The following CCDC33 variants were observed in gnomAD, a reference collection of about 807,000 sequenced individuals.
CCDC33 encodes coiled-coil domain-containing protein 33.
A neutral mutation model predicts 91.9 loss-of-function variants in CCDC33; 94 were observed. That is an observed-to-expected ratio of 1.02 (90% confidence interval 0.87 to 1.21). The LOEUF (loss-of-function observed/expected upper bound fraction) is 1.21, where lower values mean the gene tolerates loss of function less well. CCDC33 is among the 50% of genes most tolerant of loss of function. The pLI is 0.00. For missense variants in CCDC33, 940 were observed against 935.5 expected (o/e 1.00, Z -0.06); for synonymous variants, 396 against 374.5 (o/e 1.06, Z -0.66).
At chr15:74,241,221 C>T (rs1482202494) in intron 1 of CCDC33, among the ~76,000 whole-genome samples, 2 of 151,888 alleles carry the variant, frequency 1.3e-5, no homozygotes, top group African/African-American at 4.8e-5. Flanking sequence ...CCTCCTCAGT[C>T]AGAGGAAGGA....
chr15:74,315,697 C>T (rs534635941), intron 11 of CCDC33, among the ~76,000 whole-genome samples: 25 of 152,264 alleles, frequency 1.6e-4, no homozygotes, highest in African/African-American at 5.3e-4. Context: ...TGGGGGAAGG[C>T]GACTCTGTCC....
At chr15:74,256,495 T>C (rs2075869504) in intron 2 of CCDC33, among the ~76,000 whole-genome samples, 1 of 152,120 alleles carries the variant, frequency 6.6e-6, no homozygotes, top group Non-Finnish European at 1.5e-5. Flanking sequence ...CAAGTCCTGC[T>C]GGGTTGCTCA....
chr15:74,268,547 C>A, intron 5 of CCDC33, 89 bp downstream of exon 5: 1 of 961,746 alleles, frequency 1.0e-6, no homozygotes, highest in Non-Finnish European at 1.7e-6. Flanking sequence ...TTAGCCCCCT[C>A]TGGCTGACCT....
At position 74,335,047 on chromosome 15, in the gene CCDC33, G is replaced by C. The variant is rs755898743; in HGVS notation, c.2098G>C (p.Gly700Arg). ...LATRLQEQEK[G>R]FRHPSNSIII... ...CACACGGCTGCAGGAGCAAGAAAAA[G>C]GTTTCAGGCACCCCTCGAACTCCAT... The change falls in exon 18 of 19, where the codon GGT (glycine) becomes CGT (arginine). Residue 700 changes from glycine to arginine, a missense_variant. Physicochemically the swap from Gly to Arg is moderately radical, Grantham distance 125 (BLOSUM62 -2). Coordinates refer to ENST00000398814, the MANE Select transcript of CCDC33 (RefSeq NM_025055.5). 1.9e-6 allele frequency: 3 copies of C among 1,614,130 alleles called. No homozygotes were observed. Among genetic ancestry groups the C allele is most frequent in the Non-Finnish European group, 2.5e-6 (3 of 1,180,014 alleles).
At chr15:74,233,577 TCACACCC>T (rs1161975178), upstream of CCDC33, among the ~76,000 whole-genome samples, 1 of 152,174 alleles carries the variant, frequency 6.6e-6, no homozygotes, top group Non-Finnish European at 1.5e-5. Context: ...TGAGGCCAGT[TCACACCC>T]CACCCCTTAA....
chr15:74,276,933 T>C (rs934088049), intron 7 of CCDC33, among the ~76,000 whole-genome samples: 4 of 152,176 alleles, frequency 2.6e-5, no homozygotes, highest in Non-Finnish European at 4.4e-5. Context: ...CTTAGGACTC[T>C]ACATGTTTGT....
intron 10 of CCDC33, among the ~76,000 whole-genome samples, chr15:74,285,166 T>G (rs1198571720): frequency 6.7e-6 from 1 of 149,434 alleles, no homozygotes; most frequent in East Asian, 2.0e-4. Context: ...GTGCCGTATT[T>G]GGGCCCAGCC....
intron 2 of CCDC33, among the ~76,000 whole-genome samples, chr15:74,261,128 A>G (rs566064322): frequency 3.9e-5 from 6 of 152,194 alleles, no homozygotes; most frequent in Non-Finnish European, 7.3e-5. Context: ...TCACTGTGTC[A>G]TACTGCCTCA....
chr15:74,280,994 T>G (rs1230820404), intron 9 of CCDC33, among the ~76,000 whole-genome samples, 193 bp downstream of exon 9: 1 of 152,214 alleles, frequency 6.6e-6, no homozygotes, highest in Non-Finnish European at 1.5e-5. Context: ...GTCTTGCCTC[T>G]GGGACTATGA....
At chr15:74,265,471 G>A (rs1190521382) in intron 3 of CCDC33, among the ~76,000 whole-genome samples, 1 of 152,062 alleles carries the variant, frequency 6.6e-6, no homozygotes, top group African/African-American at 2.4e-5. Context: ...GATGCCTCAA[G>A]TGTCACCAAA....
chr15:74,281,013 G>A (rs1161814353), intron 9 of CCDC33, among the ~76,000 whole-genome samples: 1 of 152,224 alleles, frequency 6.6e-6, no homozygotes, highest in East Asian at 1.9e-4. Context: ...GACGAACCAA[G>A]CCAGAGAAAT....
At chr15:74,233,645 G>A (rs2075054016), upstream of CCDC33, among the ~76,000 whole-genome samples, 2 of 152,212 alleles carry the variant, frequency 1.3e-5, no homozygotes, top group Non-Finnish European at 2.9e-5. Flanking sequence ...AGCTGCACTA[G>A]AGAGAACTTG....
rs758462226 is a variant in CCDC33 at position 74,218,760 on chromosome 15, G to A, written c.574G>A (p.Val192Ile). 2.6e-5 allele frequency: 33 copies of A among 1,289,390 alleles called. No individual in the cohort carries two copies. The South Asian group carries it at 3.7e-4, about 14-fold the overall frequency. The allele number at this position is 1,289,390 out of a possible 1,614,324, so 79.9% of individuals were successfully genotyped here. ...CCTGGCCTACAGTGTGGCCTTCCAC[G>A]TCCACCGGGGCCCTCAGCCTCCAGT... Residue 192 changes from valine (V) to isoleucine (I), a missense_variant, in exon 2 of 3, where the codon GTC becomes ATC. Val to Ile is a conservative substitution (Grantham distance 29). Coordinates refer to the CCDC33 transcript ENST00000635913. This position sits in a 1 kb window ranked among gnomAD's most constrained non-coding sequence, Gnocchi z 4.8.
intron 7 of CCDC33, among the ~76,000 whole-genome samples, chr15:74,275,988 G>A (rs143011408): frequency 2.7e-4 from 41 of 152,310 alleles, no homozygotes; most frequent in African/African-American, 9.4e-4. Flanking sequence ...CTTCTTGTAG[G>A]TGGTTTTAAA....
At chr15:74,237,513 A>G (rs973191963) in intron 1 of CCDC33, among the ~76,000 whole-genome samples, 10 of 152,344 alleles carry the variant, frequency 6.6e-5, no homozygotes, top group African/African-American at 2.2e-4. Flanking sequence ...CTCAGGTTGA[A>G]TAAGCCAAAT....
intron 11 of CCDC33, 76 bp downstream of exon 11, chr15:74,296,024 A>G: frequency 7.6e-7 from 1 of 1,323,360 alleles, no homozygotes; most frequent in Non-Finnish European, 1.0e-6. Flanking sequence ...TGCCATCTGC[A>G]GGACTGCTTC....
upstream of CCDC33, among the ~76,000 whole-genome samples, chr15:74,232,669 G>A (rs916425072): frequency 6.6e-6 from 1 of 152,190 alleles, no homozygotes; most frequent in African/African-American, 2.4e-5. Flanking sequence ...GTGTGATCTT[G>A]GGCAAAATGT....
chr15:74,327,041 G>C (rs1452025628), intron 11 of CCDC33, among the ~76,000 whole-genome samples: 1 of 152,160 alleles, frequency 6.6e-6, no homozygotes, highest in African/African-American at 2.4e-5. Flanking sequence ...AGGGAAAGCA[G>C]GTCCTTCAGT....
In CCDC33 at chr15:74,250,987, C is replaced by G. The variant is rs143977107; in HGVS notation, c.185+6839C>G. Among the ~76,000 whole-genome samples, 9 of 152,296 alleles carry G rather than the reference C, an allele frequency of 5.9e-5. No individual in the cohort carries two copies. In the South Asian group the frequency reaches 1.9e-3, roughly 32 times the overall value. On this transcript the variant is annotated intron_variant, in intron 2 of 18. Coordinates refer to ENST00000398814, the MANE Select transcript of CCDC33 (RefSeq NM_025055.5). ...GACCTATCATAAGAAAGCCACAGGA[C>G]AGTGGAAAGAAGCCAGGCTGGGTAC... is the stretch of plus-strand genomic sequence containing the variant.
Sources: allele counts gnomAD v4.1 joint callset (sites outside exome capture counted in the v4.1 genomes callset), GRCh38; gene constraint gnomAD v4.1.1; non-coding constraint Gnocchi (gnomAD v3.1); transcripts MANE v1.5; gene names NCBI Gene and HGNC (gene_info 2026-07-23, HGNC 2026-07-21).